The following ABCA4 variants were observed in gnomAD, a reference collection of about 807,000 sequenced individuals.
ABCA4 encodes the protein ATP binding cassette subfamily A member 4.
ABCA4 carries 196 observed loss-of-function variants against 263.7 expected under a neutral mutation model. The ratio of observed to expected loss-of-function variants is 0.74; its 90% CI spans 0.66 to 0.84. ABCA4 has a LOEUF of 0.84. Among genes scored for constraint, ABCA4 ranks in the 40% least tolerant of loss-of-function variants. ABCA4 has a pLI of 0.00. For missense variants in ABCA4, 2,792 were observed against 2,855.1 expected (o/e 0.98, Z 0.50); for synonymous variants, 1,133 against 1,094.2 (o/e 1.04, Z -0.70).
chr1:94,035,692 C>A (rs973858755), intron 26 of ABCA4, among the ~76,000 whole-genome samples: 3 of 152,186 alleles, frequency 2.0e-5, no homozygotes, highest in Non-Finnish European at 4.4e-5. Flanking sequence ...AAAGGAGAAT[C>A]GCTGCAAAGC....
In ABCA4 at chr1:94,078,656, G is replaced by A; in HGVS notation, c.1290C>T (p.Ala430=). The A allele has an allele frequency of 6.4e-7, 1 of 1,561,476 alleles. No homozygotes were observed. The highest frequency in any genetic ancestry group is 8.7e-7 in the Non-Finnish European group (1 of 1,149,986). Residue 430 remains alanine (A), a synonymous_variant, in exon 10 of 50, where the codon GCC becomes GCT. Transcript: ENST00000370225. ...AGATCTGGGGCCCTACTTCTTCCCA[G>A]GCTTTGACCAACTTCCTAACGTGTT... is the stretch of plus-strand genomic sequence containing the variant. ...ELEHVRKLVK[A]WEEVGPQIWY...
chr1:94,035,354 G>C (rs1237697334), intron 26 of ABCA4, among the ~76,000 whole-genome samples: 1 of 152,222 alleles, frequency 6.6e-6, no homozygotes, highest in East Asian at 1.9e-4. Context: ...CTTGGGTTCT[G>C]TGGTGAATTG....
intron 6 of ABCA4, among the ~76,000 whole-genome samples, chr1:94,090,023 C>T (rs1448670847): frequency 6.6e-6 from 1 of 152,164 alleles, no homozygotes; most frequent in Non-Finnish European, 1.5e-5. Context: ...GGGGCACTCA[C>T]TCCCACACCC....
intron 13 of ABCA4, among the ~76,000 whole-genome samples, chr1:94,062,243 A>T (rs1041473914): frequency 5.9e-5 from 9 of 152,182 alleles, no homozygotes; most frequent in Non-Finnish European, 2.9e-5. Context: ...AAACATTCTG[A>T]CCAGAACCCT....
At position 94,022,043 on chromosome 1, in the gene ABCA4, C is replaced by CG. The variant is rs542260963; in HGVS notation, c.4668-93dup. On this transcript the variant is annotated intron_variant, in intron 32 of 49. Coordinates refer to ENST00000370225, the MANE Select transcript of ABCA4 (RefSeq NM_000350.3). ...GGTTTTGTAGGGAAACATGAACTTTCGGGGGAATTGCCTGGACCAGCGAGC... is the reference window on the plus strand; with the variant it reads ...GGTTTTGTAGGGAAACATGAACTTTCGGGGGGAATTGCCTGGACCAGCGAGC... 3.9e-4 allele frequency: 416 copies of CG among 1,077,906 alleles called. 4 individuals carry two copies. The South Asian group carries it at 5.2e-3, about 14-fold the overall frequency. The allele number at this position is 1,077,906 out of a possible 1,614,324, so 66.8% of individuals were successfully genotyped here.
intron 6 of ABCA4, among the ~76,000 whole-genome samples, chr1:94,084,632 G>T (rs752599324): frequency 2.0e-5 from 3 of 152,196 alleles, no homozygotes; most frequent in South Asian, 4.1e-4. Flanking sequence ...GAAATAAAAG[G>T]CCTTGTTAGG....
chr1:94,049,102 A>G (rs1271453271), intron 17 of ABCA4, 145 bp from the exon 18 acceptor site: 5 of 731,680 alleles, frequency 6.8e-6, no homozygotes, highest in African/African-American at 5.3e-5. Context: ...CTCAAGCCTG[A>G]TCACACAATC....
At chr1:94,101,368 T>C (rs1662283432) in intron 5 of ABCA4, among the ~76,000 whole-genome samples, 1 of 152,190 alleles carries the variant, frequency 6.6e-6, no homozygotes, top group Admixed American at 6.5e-5. Flanking sequence ...AAACAGGGCC[T>C]GGCCGGAGCC....
Position 94,094,313 on chromosome 1 carries a change from G to C in ABCA4, c.768+4481C>G, listed in dbSNP as rs76324366. Among the ~76,000 whole-genome samples, 1,503 of 152,252 alleles carry C rather than the reference G, an allele frequency of 9.9e-3. 30 individuals are homozygous for C. The highest frequency in any genetic ancestry group is 0.034 in the African/African-American group (1,418 of 41,516). On this transcript the variant is annotated intron_variant, in intron 6 of 49. Coordinates refer to ENST00000370225, the MANE Select transcript of ABCA4 (RefSeq NM_000350.3). Reference sequence around the variant, plus strand: ...TGACTCAGGAATTCAGGGAGCCAGAGCCAAGAATGAAACAGGACATTGATG... The same window carrying C: ...TGACTCAGGAATTCAGGGAGCCAGACCCAAGAATGAAACAGGACATTGATG...
intron 5 of ABCA4, among the ~76,000 whole-genome samples, chr1:94,100,143 A>C (rs1662251182): frequency 6.6e-6 from 1 of 152,124 alleles, no homozygotes; most frequent in Non-Finnish European, 1.5e-5. Context: ...TCCAGACTAC[A>C]CATGGCAGCC....
chr1:94,020,615 G>A (rs1557768165), intron 35 of ABCA4, among the ~76,000 whole-genome samples: 1 of 152,196 alleles, frequency 6.6e-6, no homozygotes, highest in Admixed American at 6.5e-5. Flanking sequence ...TTTAGTGGAT[G>A]ACCCTGGGCA....
At chr1:94,107,633 A>G (rs1311786920) in intron 4 of ABCA4, among the ~76,000 whole-genome samples, 1 of 152,072 alleles carries the variant, frequency 6.6e-6, no homozygotes, top group East Asian at 1.9e-4. Flanking sequence ...CCTGGTGCCC[A>G]GCTCCTGCCA....
At chr1:94,080,331 G>A (rs889852427) in intron 8 of ABCA4, 147 bp downstream of exon 8, 9 of 1,118,604 alleles carry the variant, frequency 8.0e-6, no homozygotes, top group South Asian at 2.6e-5. Context: ...AAGGGGAAGT[G>A]GACTTTCTGG....
At chr1:94,070,154 A>G (rs1184711924) in intron 11 of ABCA4, among the ~76,000 whole-genome samples, 2 of 152,320 alleles carry the variant, frequency 1.3e-5, no homozygotes, top group East Asian at 3.9e-4. Context: ...CTGGGCACTG[A>G]CCAATCAGAC....
At chr1:93,994,057 G>C (rs1557756178) in intron 49 of ABCA4, among the ~76,000 whole-genome samples, 1 of 152,168 alleles carries the variant, frequency 6.6e-6, no homozygotes, top group South Asian at 2.1e-4. Context: ...AAGGCTGAGG[G>C]TACTTCAGAA....
chr1:94,054,895 G>T lies in ABCA4; in HGVS notation c.2587+216C>A, dbSNP rs56375042. Among the ~76,000 whole-genome samples the T allele has an allele frequency of 0.031, 4,749 of 152,272 alleles. 123 individuals are homozygous for T. The highest frequency in any genetic ancestry group is 0.046 in the Non-Finnish European group (3,102 of 68,022). On this transcript the variant is annotated intron_variant, in intron 16 of 49. Coordinates refer to ENST00000370225, the MANE Select transcript of ABCA4 (RefSeq NM_000350.3). The stretch of plus-strand genomic sequence containing the variant: ...GAAGGAAGAGACTGGCATTGGGAAG[G>T]TTGTGGTGGAGGTGGTGACAAGAGA...
intron 6 of ABCA4, among the ~76,000 whole-genome samples, chr1:94,085,894 A>C (rs17461953): frequency 0.16 from 23,664 of 152,064 alleles, 2,163 homozygotes; most frequent in Middle Eastern, 0.29. Context: ...ATGATGACCT[A>C]TGTGAGAAAC....
intron 10 of ABCA4, 93 bp downstream of exon 10, chr1:94,078,497 T>C: frequency 1.9e-6 from 2 of 1,030,164 alleles, no homozygotes. Context: ...CCAATAGCGA[T>C]TAACTCTTTC....
At chr1:94,048,770 T>C (rs1660758978) in intron 18 of ABCA4, 98 bp downstream of exon 18, 1 of 1,205,644 alleles carries the variant, frequency 8.3e-7, no homozygotes, top group African/African-American at 1.5e-5. Flanking sequence ...TTTCCTAGGC[T>C]TCTTTCCACC....
Sources: gnomAD v4.1 joint callset for allele counts (sites outside exome capture counted in the v4.1 genomes callset) on GRCh38, gnomAD v4.1.1 for gene constraint, MANE v1.5 for transcripts, NCBI Gene and HGNC (gene_info 2026-07-23, HGNC 2026-07-21) for gene names.